Variants in ABCD2 observed in about 807,000 individuals in gnomAD.
ABCD2 encodes the protein ATP-binding cassette sub-family D member 2.
In ABCD2, 36 loss-of-function variants were observed where a neutral mutation model predicts 70.9. That is an observed-to-expected ratio of 0.51 (90% CI 0.39 to 0.67). The LOEUF (loss-of-function observed/expected upper bound fraction) is 0.67. Ranked by LOEUF, ABCD2 falls within the 30% of genes least tolerant of loss-of-function variation. ABCD2 has a pLI of 0.00. For synonymous variants in ABCD2, 304 were observed against 306.9 expected (o/e 0.99, Z 0.10); for missense variants, 729 against 890.2 (o/e 0.82, Z 2.30).
chr12:39,569,051 C>A lies in ABCD2; in HGVS notation c.2003+4665G>T, dbSNP rs188433215. Among the ~76,000 whole-genome samples, 10 of 152,320 alleles carry A rather than the reference C, an allele frequency of 6.6e-5. No homozygotes were observed. In the East Asian group the frequency reaches 1.9e-3, roughly 29 times the overall value. ...AGTCTGCCCCTACTTGGGGGTGCAT[C>A]CCAGTTAGGCTACTTGGGTGTCAGG... On this transcript the variant is annotated intron_variant, in intron 9 of 9. Coordinates refer to ENST00000308666, the MANE Select transcript of ABCD2 (RefSeq NM_005164.4).
intron 7 of ABCD2, among the ~76,000 whole-genome samples, chr12:39,583,966 G>A (rs1941631660): frequency 6.6e-6 from 1 of 152,060 alleles, no homozygotes; most frequent in South Asian, 2.1e-4. Context: ...TTGCTATTGT[G>A]TATAGTGCTG....
intron 3 of ABCD2, 116 bp from the exon 4 acceptor site, chr12:39,605,046 A>G: frequency 4.0e-6 from 3 of 749,656 alleles, no homozygotes; most frequent in East Asian, 2.9e-5. Context: ...TGCATTATAC[A>G]TGAGATATAT....
chr12:39,610,538 T>G (rs558292553), intron 2 of ABCD2, among the ~76,000 whole-genome samples: 1 of 152,334 alleles, frequency 6.6e-6, no homozygotes, highest in Admixed American at 6.5e-5. Context: ...ATGCTAAGAA[T>G]AGTTTTGGCT....
At chr12:39,597,405 G>A (rs951207545) in intron 6 of ABCD2, among the ~76,000 whole-genome samples, 4 of 152,128 alleles carry the variant, frequency 2.6e-5, no homozygotes, top group Non-Finnish European at 2.9e-5. Context: ...ACTTACCAGG[G>A]GATTAGGAAG....
the ABCD2 span, among the ~76,000 whole-genome samples, chr12:39,543,220 C>T: frequency 6.6e-6 from 1 of 152,056 alleles, no homozygotes; most frequent in African/African-American, 2.4e-5. Flanking sequence ...TCAATATTCA[C>T]CTGCCCAGAG....
At chr12:39,606,758 GTGAGAATAA>G (rs943833087) in intron 3 of ABCD2, among the ~76,000 whole-genome samples, 8 of 152,180 alleles carry the variant, frequency 5.3e-5, no homozygotes, top group Non-Finnish European at 1.0e-4. Flanking sequence ...CTAACTGGTA[GTGAGAATAA>G]TTTTATGGGA....
At chr12:39,599,235 T>C (rs1345725504) in intron 6 of ABCD2, among the ~76,000 whole-genome samples, 1 of 152,246 alleles carries the variant, frequency 6.6e-6, no homozygotes, top group Non-Finnish European at 1.5e-5. Context: ...GTCAAAGTTA[T>C]ATTCAACAAC....
intron 6 of ABCD2, among the ~76,000 whole-genome samples, chr12:39,588,716 C>G (rs573838760): frequency 2.3e-4 from 35 of 151,678 alleles, no homozygotes; most frequent in African/African-American, 8.5e-4. Flanking sequence ...TGAATCACAT[C>G]ACGGAGAAAC....
At chr12:39,561,067 T>A (rs1941250055) in intron 9 of ABCD2, among the ~76,000 whole-genome samples, 1 of 152,070 alleles carries the variant, frequency 6.6e-6, no homozygotes, top group Non-Finnish European at 1.5e-5. Flanking sequence ...AATAATTACC[T>A]TGAATATTAA....
intron 6 of ABCD2, among the ~76,000 whole-genome samples, chr12:39,595,779 T>C (rs934532299): frequency 6.6e-6 from 1 of 152,192 alleles, no homozygotes; most frequent in African/African-American, 2.4e-5. Flanking sequence ...ATAATGAGTG[T>C]TGTGGAAGCA....
At chr12:39,599,435 T>G (rs929579311) in intron 6 of ABCD2, among the ~76,000 whole-genome samples, 4 of 152,218 alleles carry the variant, frequency 2.6e-5, no homozygotes, top group African/African-American at 9.6e-5. Flanking sequence ...AGAATCAGAA[T>G]GTTTCCCAAA....
At chr12:39,544,688 A>C in the ABCD2 span, among the ~76,000 whole-genome samples, 2 of 151,688 alleles carry the variant, frequency 1.3e-5, no homozygotes, top group African/African-American at 4.8e-5. Flanking sequence ...GTAGATTATG[A>C]AGATAGGAAA....
At chr12:39,548,431 C>A (rs534615693), downstream of ABCD2, among the ~76,000 whole-genome samples, 1 of 152,096 alleles carries the variant, frequency 6.6e-6, no homozygotes, top group South Asian at 2.1e-4. Flanking sequence ...CTATGTGAGT[C>A]TTGGAAACTT....
intron 6 of ABCD2, among the ~76,000 whole-genome samples, chr12:39,588,852 A>G (rs1236444060): frequency 6.6e-6 from 1 of 152,212 alleles, no homozygotes; most frequent in Non-Finnish European, 1.5e-5. Context: ...AAAAGAAACT[A>G]TAATAAATAG....
chr12:39,544,010 G>C, the ABCD2 span, among the ~76,000 whole-genome samples: 1 of 152,102 alleles, frequency 6.6e-6, no homozygotes, highest in Non-Finnish European at 1.5e-5. Context: ...ATCAAGACAG[G>C]GAAATTGCAA....
intron 8 of ABCD2, among the ~76,000 whole-genome samples, chr12:39,577,556 A>G (rs1268603291): frequency 1.3e-5 from 2 of 152,216 alleles, no homozygotes; most frequent in Non-Finnish European, 2.9e-5. Flanking sequence ...GAATTAAGAG[A>G]TGTAACAATA....
rs147343508 is a variant in ABCD2, at chr12:39,552,908, C to T, written c.*1004G>A. ...CCTTAAGTAAAGTGCATGATTAGGG[C>T]AAGTCTGAGTGTCAATTTTCTCAAA... On this transcript the variant is annotated 3_prime_UTR_variant, in exon 10 of 10. Coordinates refer to ENST00000308666, the MANE Select transcript of ABCD2 (RefSeq NM_005164.4). The T allele has an allele frequency of 4.1e-4, 63 of 152,020 alleles. 2 individuals carry two copies. The highest frequency in any genetic ancestry group is 1.4e-3 in the Admixed American group (21 of 15,258). 9.4% of individuals were successfully genotyped at this position (152,020 alleles called of 1,614,324 possible).
At chr12:39,565,086 A>G (rs1352253510) in intron 9 of ABCD2, among the ~76,000 whole-genome samples, 1 of 151,970 alleles carries the variant, frequency 6.6e-6, no homozygotes, top group Non-Finnish European at 1.5e-5. Flanking sequence ...TTGTTCTTTT[A>G]GCTTAGGATC....
chr12:39,590,087 ATAAT>A (rs1254787495), intron 6 of ABCD2, among the ~76,000 whole-genome samples: 2 of 152,224 alleles, frequency 1.3e-5, no homozygotes, highest in African/African-American at 4.8e-5. Flanking sequence ...CAATGTTTAT[ATAAT>A]TAGTTTGCAT....
Sources: gnomAD v4.1 joint callset for allele counts (sites outside exome capture counted in the v4.1 genomes callset) on GRCh38, gnomAD v4.1.1 for gene constraint, MANE v1.5 for transcripts, NCBI Gene and HGNC (gene_info 2026-07-23, HGNC 2026-07-21) for gene names.